The following FOXN3 variants were observed in gnomAD, a reference collection of about 807,000 sequenced individuals.
FOXN3 encodes forkhead box protein N3.
Under a neutral mutation model 38.4 loss-of-function variants are expected in FOXN3, and 7 were observed. The ratio of observed to expected loss-of-function variants is 0.18; its 90% CI spans 0.10 to 0.34. The LOEUF is 0.34. Among genes scored for constraint, FOXN3 ranks in the 10% least tolerant of loss-of-function variants. The probability of loss-of-function intolerance (pLI) is 1.00; values close to 1 mark genes in which losing one functional copy is unlikely to be tolerated. For missense variants in FOXN3, 456 were observed against 613.4 expected, an observed-to-expected ratio of 0.74 and a Z score of 2.71; for synonymous variants, 230 against 242.2, an observed-to-expected ratio of 0.95 and a Z score of 0.47.
intron 1 of FOXN3, among the ~76,000 whole-genome samples, chr14:89,470,125 A>G (rs901031766): frequency 1.3e-5 from 2 of 152,234 alleles, no homozygotes; most frequent in African/African-American, 4.8e-5. Flanking sequence ...CACCAGCTAA[A>G]CTAGATGTTC....
chr14:89,364,643 A>T (rs1308141387), intron 2 of FOXN3: 1 of 152,206 alleles, frequency 6.6e-6, no homozygotes, highest in East Asian at 1.9e-4. Context: ...CCACTCTTGC[A>T]CCTGTCTTGC....
At chr14:89,536,726 C>A (rs1386886572) in intron 1 of FOXN3, among the ~76,000 whole-genome samples, 1 of 151,786 alleles carries the variant, frequency 6.6e-6, no homozygotes, top group Non-Finnish European at 1.5e-5. Flanking sequence ...TGCAGTGAGC[C>A]GAGATCGGGC....
At chr14:89,404,054 A>G (rs1891319889) in intron 2 of FOXN3, among the ~76,000 whole-genome samples, 1 of 152,218 alleles carries the variant, frequency 6.6e-6, no homozygotes, top group African/African-American at 2.4e-5. Context: ...TCAATTCTGT[A>G]TTCTTTTAGC....
intron 1 of FOXN3, among the ~76,000 whole-genome samples, chr14:89,583,402 T>C (rs1485483981): frequency 6.6e-6 from 1 of 152,182 alleles, no homozygotes; most frequent in Non-Finnish European, 1.5e-5. Context: ...TCTTTTGCCG[T>C]ACAAGGACAC....
In FOXN3 at chr14:89,528,376, CTTTTTTTTTTTTTTTT is replaced by C. The variant is rs55935162; in HGVS notation, c.-15+90636_-15+90651del. 7.7e-3 allele frequency among the ~76,000 whole-genome samples: 412 copies of C among 53,600 alleles called. 3 individuals carry two copies. The highest frequency in any genetic ancestry group is 0.024 in the African/African-American group (374 of 15,584). The allele number at this position is 53,600 out of a possible 152,430, so 35.2% of individuals were successfully genotyped here. A position where few individuals can be genotyped will look rare whatever the true frequency, so the allele number is the denominator to read the frequency against. On this transcript the variant is annotated intron_variant, in intron 1 of 6. Coordinates refer to the FOXN3 transcript ENST00000345097. ...TCATCCATACTCAACATGGATGAATCTTTTTTTTTTTTTTTTTTTTTTTTTTTTTTTTTGAAAAAGA... is the reference window on the plus strand; with the variant it reads ...TCATCCATACTCAACATGGATGAATCTTTTTTTTTTTTTTTTTGAAAAAGA...
intron 1 of FOXN3, among the ~76,000 whole-genome samples, chr14:89,479,217 ACTGGAGCTG>A (rs1893274954): frequency 6.6e-6 from 1 of 151,922 alleles, no homozygotes; most frequent in Non-Finnish European, 1.5e-5. Flanking sequence ...ACACACTTCA[ACTGGAGCTG>A]CTGAAAACCC....
Position 89,454,988 on chromosome 14 carries a change from G to A in FOXN3, c.-14-42498C>T, listed in dbSNP as rs542756629. On this transcript the variant is annotated intron_variant, in intron 1 of 6. Coordinates refer to the FOXN3 transcript ENST00000345097. ...TTCCAGTAATTCCATTGGATAAATG[G>A]CACAAAATCCCAACTCTTCAGATAA... Among the ~76,000 whole-genome samples, 26 of 152,270 alleles carry A rather than the reference G, an allele frequency of 1.7e-4. No homozygotes were observed. The East Asian group carries it at 5.0e-3, about 29-fold the overall frequency.
intron 3 of FOXN3, among the ~76,000 whole-genome samples, chr14:89,289,096 C>G (rs565447641): frequency 4.9e-4 from 73 of 149,874 alleles, no homozygotes; most frequent in Non-Finnish European, 8.3e-4. Context: ...GCACAAGAAT[C>G]GCTTGAACCC....
At chr14:89,281,070 C>T (rs369999209) in intron 3 of FOXN3, 56 bp from the exon 4 acceptor site, 1 of 1,454,844 alleles carries the variant, frequency 6.9e-7, no homozygotes, top group Non-Finnish European at 9.6e-7. Context: ...CACACACCTG[C>T]AACCCCTTCC....
rs968848816 is a variant in FOXN3 at position 89,164,332 on chromosome 14, A to G, written c.852-1363T>C. On this transcript the variant is annotated intron_variant, in intron 5 of 5. Transcript: ENST00000557258. The surrounding 1 kb of genome is among the most constrained non-coding windows in gnomAD (Gnocchi z 4.3). ...CTGACCTTGGACACAAGGGCTGAAG[A>G]ATTTGGCAGGGATGGGAACTGTTCT... is the stretch of plus-strand genomic sequence containing the variant. Among the ~76,000 whole-genome samples, 1 of 152,128 alleles carries G rather than the reference A, an allele frequency of 6.6e-6. No individual in the cohort carries two copies. The highest frequency in any genetic ancestry group is 1.5e-5 in the Non-Finnish European group (1 of 68,010).
chr14:89,281,317 A>C (rs181716654), intron 3 of FOXN3, among the ~76,000 whole-genome samples: 2 of 152,292 alleles, frequency 1.3e-5, no homozygotes, highest in Non-Finnish European at 2.9e-5. Context: ...CGTATAACTT[A>C]AGGATATTTG....
At chr14:89,428,909 A>G (rs1892101382) in intron 1 of FOXN3, among the ~76,000 whole-genome samples, 1 of 152,220 alleles carries the variant, frequency 6.6e-6, no homozygotes, top group African/African-American at 2.4e-5. Context: ...AGCTCTCCGG[A>G]GGCTGCCCAG....
chr14:89,601,853 ACTAGCACTC>A (rs1896160181), intron 1 of FOXN3, among the ~76,000 whole-genome samples: 1 of 152,140 alleles, frequency 6.6e-6, no homozygotes, highest in Non-Finnish European at 1.5e-5. Flanking sequence ...CCTCAATAGT[ACTAGCACTC>A]GTAGACCTCA....
chr14:89,479,958 T>G (rs1443597325), intron 1 of FOXN3, among the ~76,000 whole-genome samples: 7 of 152,214 alleles, frequency 4.6e-5, no homozygotes, highest in Non-Finnish European at 8.8e-5. Context: ...TGGGCTCCAT[T>G]TATGACTCAA....
intron 1 of FOXN3, among the ~76,000 whole-genome samples, chr14:89,502,963 T>C (rs1566677682): frequency 6.6e-6 from 1 of 152,216 alleles, no homozygotes; most frequent in East Asian, 1.9e-4. Flanking sequence ...AGCCCTCTTT[T>C]ATGAGTTCTG....
chr14:89,423,058 A>G (rs2896109), intron 1 of FOXN3, among the ~76,000 whole-genome samples: 104,697 of 151,634 alleles, frequency 0.69, 36,396 homozygotes, highest in Admixed American at 0.71. Context: ...GCTCCTCTAT[A>G]CCCAGTGAAG....
chr14:89,165,383 T>C (rs988028343), intron 5 of FOXN3, among the ~76,000 whole-genome samples: 1 of 152,226 alleles, frequency 6.6e-6, no homozygotes, highest in Non-Finnish European at 1.5e-5. Context: ...CTGATCATGT[T>C]TTTTACTTGT....
At chr14:89,207,652 CT>C (rs929482895) in intron 4 of FOXN3, among the ~76,000 whole-genome samples, 31 of 152,198 alleles carry the variant, frequency 2.0e-4, no homozygotes, top group African/African-American at 7.5e-4. Flanking sequence ...GTTCATGATT[CT>C]GTTTTTTGTG....
chr14:89,349,199 C>T (rs1010658935), intron 3 of FOXN3, among the ~76,000 whole-genome samples: 17 of 152,182 alleles, frequency 1.1e-4, no homozygotes, highest in African/African-American at 4.1e-4. Context: ...TGGTTCTCTT[C>T]CATTTGGGGA....
Sources: gnomAD v4.1 joint callset for allele counts (sites outside exome capture counted in the v4.1 genomes callset) on GRCh38, gnomAD v4.1.1 for gene constraint, Gnocchi (gnomAD v3.1) non-coding constraint, MANE v1.5 for transcripts, NCBI Gene and HGNC (gene_info 2026-07-23, HGNC 2026-07-21) for gene names.